Variants in MINK1 observed in about 807,000 individuals in gnomAD.
MINK1 encodes misshapen-like kinase 1.
A neutral mutation model predicts 178.4 loss-of-function variants in MINK1; 46 were observed. That is an observed-to-expected ratio of 0.26 (90% confidence interval 0.20 to 0.33). The LOEUF is 0.33. Among genes scored for constraint, MINK1 ranks in the 10% least tolerant of loss-of-function variants. The pLI is 1.00. For missense variants in MINK1, 1,366 were observed against 1,814.9 expected, an observed-to-expected ratio of 0.75 and a Z score of 4.49; for synonymous variants, 797 against 709.7, an observed-to-expected ratio of 1.12 and a Z score of -1.96.
At position 4,892,124 on chromosome 17, in the gene MINK1, G is replaced by A. The variant is rs114740934; in HGVS notation, c.2002-25G>A. The A allele has an allele frequency of 2.5e-4, 389 of 1,562,998 alleles. No homozygotes were observed. In the African/African-American group the frequency reaches 3.1e-3, roughly 12 times the overall value. ...GAAGTGCCTGTCGCAGCGCCAGCTC[G>A]CAGCACGTGGACTTCTCTCCACAGG... is the stretch of plus-strand genomic sequence containing the variant. On this transcript the variant is annotated intron_variant, in intron 16 of 31. Transcript: ENST00000355280.
In MINK1 at chr17:4,887,626, C is replaced by A. The variant is rs1364848184; in HGVS notation, c.1066C>A (p.Leu356Ile). Reference sequence around the variant, plus strand: ...AGAGTCGACTCTACGCCGGGAGTTTCTCCGGCTCCAGCAGGAAAATAAGAG... The same window carrying A: ...AGAGTCGACTCTACGCCGGGAGTTTATCCGGCTCCAGCAGGAAAATAAGAG... ...PGESTLRREF[L>I]RLQQENKSNS... Residue 356 changes from leucine to isoleucine, a missense_variant, in exon 12 of 32, where the codon CTC becomes ATC. Coordinates refer to ENST00000355280, the MANE Select transcript of MINK1 (RefSeq NM_153827.5). The surrounding 1 kb of genome is among the most constrained non-coding windows in gnomAD (Gnocchi z 7.6). 6.4e-7 allele frequency: 1 copy of A among 1,567,350 alleles called. No individual in the cohort carries two copies. The highest frequency in any genetic ancestry group is 2.0e-5 in the Admixed American group (1 of 51,196).
In MINK1 at chr17:4,833,646, C is replaced by G; in HGVS notation, c.57+6C>G. The G allele has an allele frequency of 6.7e-7, 1 of 1,491,392 alleles. No individual in the cohort carries two copies. Among genetic ancestry groups the G allele is most frequent in the Non-Finnish European group, 8.9e-7 (1 of 1,126,884 alleles). 92.4% of individuals were successfully genotyped at this position (1,491,392 alleles called of 1,614,324 possible). A position where few individuals can be genotyped will look rare whatever the true frequency, so the allele number is the denominator to read the frequency against. On this transcript the variant is annotated splice_donor_region_variant and intron_variant, in intron 1 of 31. Transcript: ENST00000355280. The surrounding 1 kb of genome is among the most constrained non-coding windows in gnomAD (Gnocchi z 4.8). ...TCGACCTGTCCGCCCTGCGGGTGAG[C>G]GCGCCGTCCCCCAGCCTCGCCCTGG...
Position 4,889,235 on chromosome 17 carries a change from C to T in MINK1, c.1231-412C>T, listed in dbSNP as rs1026415685. Among the ~76,000 whole-genome samples the T allele has an allele frequency of 1.7e-4, 26 of 152,312 alleles. No homozygotes were observed. In the East Asian group the frequency reaches 1.7e-3, roughly 10 times the overall value. On this transcript the variant is annotated intron_variant, in intron 12 of 31. Transcript: ENST00000355280. Reference sequence around the variant, plus strand: ...GTCCCTCTTTTCTGTGCTTTCTGTGCACGGGCACCTGGTGCCCTCTTGTGG... The same window carrying T: ...GTCCCTCTTTTCTGTGCTTTCTGTGTACGGGCACCTGGTGCCCTCTTGTGG...
At chr17:4,869,417 G>A (rs1023082565) in intron 1 of MINK1, among the ~76,000 whole-genome samples, 2 of 151,772 alleles carry the variant, frequency 1.3e-5, no homozygotes, top group Non-Finnish European at 2.9e-5. Flanking sequence ...GGGACTACAG[G>A]TGCATACCAC....
Position 4,833,733 on chromosome 17 carries a change from C to T in MINK1, c.57+93C>T. 2.7e-6 allele frequency: 3 copies of T among 1,092,574 alleles called. No individual in the cohort carries two copies. The highest frequency in any genetic ancestry group is 3.7e-6 in the Non-Finnish European group (3 of 809,250). 67.7% of individuals were successfully genotyped at this position (1,092,574 alleles called of 1,614,324 possible). On this transcript the variant is annotated intron_variant, in intron 1 of 31. Coordinates refer to ENST00000355280, the MANE Select transcript of MINK1 (RefSeq NM_153827.5). The surrounding 1 kb of genome is among the most constrained non-coding windows in gnomAD (Gnocchi z 4.8). Reference sequence around the variant, plus strand: ...TGCACGCCTCACGTGCTCCCGGGCGCCCCCTCCACCAGCTTGGGTCCCCTT... The same window carrying T: ...TGCACGCCTCACGTGCTCCCGGGCGTCCCCTCCACCAGCTTGGGTCCCCTT...
At chr17:4,880,955 G>A (rs987312110) in intron 2 of MINK1, 29 bp from the exon 3 acceptor site, 1 of 1,466,722 alleles carries the variant, frequency 6.8e-7, no homozygotes. Context: ...CACCCTCTGA[G>A]CATAGACTCA....
chr17:4,869,242 ATTATTATTTATTTATTTATT>A (rs1481635100), intron 1 of MINK1, among the ~76,000 whole-genome samples: 1 of 144,668 alleles, frequency 6.9e-6, no homozygotes, highest in Non-Finnish European at 1.5e-5. Context: ...TAATTTTTAA[ATTATTATTTATTTATTTATT>A]TATTTATTTA....
chr17:4,856,897 A>AG (rs1913243457), intron 1 of MINK1: 1 of 163,516 alleles, frequency 6.1e-6, no homozygotes, highest in African/African-American at 2.4e-5. Context: ...TTCCGGAATG[A>AG]GGAGGGGTGG....
In MINK1 at chr17:4,833,702, G is replaced by T; in HGVS notation, c.57+62G>T. On this transcript the variant is annotated intron_variant, in intron 1 of 31. Transcript: ENST00000355280. This position sits in a 1 kb window ranked among gnomAD's most constrained non-coding sequence, Gnocchi z 4.8. Reference sequence around the variant, plus strand: ...GTCCCCGCCGCAGGGGAGGGAGCGGGGTGGCTGCACGCCTCACGTGCTCCC... The same window carrying T: ...GTCCCCGCCGCAGGGGAGGGAGCGGTGTGGCTGCACGCCTCACGTGCTCCC... 7.3e-7 allele frequency: 1 copy of T among 1,370,706 alleles called. No individual in the cohort carries two copies. The highest frequency in any genetic ancestry group is 9.6e-7 in the Non-Finnish European group (1 of 1,040,342). The allele number at this position is 1,370,706 out of a possible 1,614,324, so 84.9% of individuals were successfully genotyped here.
chr17:4,864,474 A>C (rs1325036551), intron 1 of MINK1, among the ~76,000 whole-genome samples: 1 of 151,608 alleles, frequency 6.6e-6, no homozygotes, highest in African/African-American at 2.4e-5. Flanking sequence ...CTGTAATCCC[A>C]GTACTTTGGG....
chr17:4,882,280 A>C (rs1326378921), intron 4 of MINK1, among the ~76,000 whole-genome samples: 3 of 152,238 alleles, frequency 2.0e-5, no homozygotes, highest in Non-Finnish European at 4.4e-5. Flanking sequence ...ATATGTGTCC[A>C]CCCAACCTTT....
chr17:4,892,366 C>T lies in MINK1; in HGVS notation c.2088-36C>T, dbSNP rs532502424. On this transcript the variant is annotated intron_variant, in intron 17 of 31. Transcript: ENST00000355280. The stretch of plus-strand genomic sequence containing the variant: ...CAGCCCCATCACCTCAGCGCCCCCC[C>T]GCCGCCCCCTCGGCACCCCTGTGCT... 32 of 1,477,746 alleles carry T rather than the reference C, an allele frequency of 2.2e-5. 1 individual carries two copies. The highest frequency in any genetic ancestry group is 1.2e-4 in the South Asian group (10 of 81,732). The allele number at this position is 1,477,746 out of a possible 1,614,324, so 91.5% of individuals were successfully genotyped here. A position where few individuals can be genotyped will look rare whatever the true frequency, so the allele number is the denominator to read the frequency against.
Position 4,836,338 on chromosome 17 carries a change from C to T in MINK1, c.57+2698C>T, listed in dbSNP as rs1315817837. 6.6e-6 allele frequency among the ~76,000 whole-genome samples: 1 copy of T among 152,138 alleles called. No individual in the cohort carries two copies. The highest frequency in any genetic ancestry group is 6.5e-5 in the Admixed American group (1 of 15,270). ...TCTGATATTAGGGAAGATTGAATTG[C>T]GTTAATCTCTTAGCCATGTGTGGGG... is the stretch of plus-strand genomic sequence containing the variant. On this transcript the variant is annotated intron_variant, in intron 1 of 31. Coordinates refer to ENST00000355280, the MANE Select transcript of MINK1 (RefSeq NM_153827.5). This position sits in a 1 kb window ranked among gnomAD's most constrained non-coding sequence, Gnocchi z 4.3.
rs767923698 is a variant in MINK1, at chr17:4,886,403, C to T, written c.774-48C>T. 72 of 1,570,002 alleles carry T rather than the reference C, an allele frequency of 4.6e-5. No homozygotes were observed. Among genetic ancestry groups the T allele is most frequent in the Non-Finnish European group, 5.5e-5 (64 of 1,154,336 alleles). ...TGATCCACCCTCTTCCTCCTGCACCCATCCCTTCTGAGGGGACCCTCCCAG... is the reference window on the plus strand; with the variant it reads ...TGATCCACCCTCTTCCTCCTGCACCTATCCCTTCTGAGGGGACCCTCCCAG... On this transcript the variant is annotated intron_variant, in intron 9 of 31. Transcript: ENST00000355280. This position sits in a 1 kb window ranked among gnomAD's most constrained non-coding sequence, Gnocchi z 6.1.
rs1969717491 is a variant in MINK1, at chr17:4,897,823, G to A, written c.*536G>A. On this transcript the variant is annotated 3_prime_UTR_variant, in exon 32 of 32. Coordinates refer to ENST00000355280, the MANE Select transcript of MINK1 (RefSeq NM_153827.5). ...CTTCCCCCAAACTCCAGGGAATGGAGGGGGGACCCCGCCAGCCAAAACATT... is the reference window on the plus strand; with the variant it reads ...CTTCCCCCAAACTCCAGGGAATGGAAGGGGGACCCCGCCAGCCAAAACATT... 1 of 152,542 alleles carries A rather than the reference G, an allele frequency of 6.6e-6. No homozygotes were observed. Among genetic ancestry groups the A allele is most frequent in the African/African-American group, 2.4e-5 (1 of 41,384 alleles). 9.4% of individuals were successfully genotyped at this position (152,542 alleles called of 1,614,324 possible).
At position 4,897,279 on chromosome 17, in the gene MINK1, A is replaced by C; in HGVS notation, c.3991A>C (p.Asn1331His). ...FMTLNRNCIM[N>H]W ...GACTCTGAACCGTAACTGCATCATGAACTGGTGACGGGGCCCTGGGCTGGG... is the reference window on the plus strand; with the variant it reads ...GACTCTGAACCGTAACTGCATCATGCACTGGTGACGGGGCCCTGGGCTGGG... Residue 1331 changes from asparagine (N) to histidine (H), a missense_variant, in exon 32 of 32, where the codon AAC becomes CAC. Transcript: ENST00000355280. 6.2e-7 allele frequency: 1 copy of C among 1,613,608 alleles called. No individual in the cohort carries two copies. Among genetic ancestry groups the C allele is most frequent in the African/African-American group, 1.3e-5 (1 of 75,012 alleles).
rs1284052093 is a variant in MINK1 at position 4,897,273 on chromosome 17, A to G, written c.3985A>G (p.Ile1329Val). ...CTTCATGACTCTGAACCGTAACTGC[A>G]TCATGAACTGGTGACGGGGCCCTGG... ...VYFMTLNRNC[I>V]MNW The change falls in exon 32 of 32, where the codon ATC becomes GTC. Residue 1329 changes from isoleucine to valine, a missense_variant. Transcript: ENST00000355280. The G allele has an allele frequency of 4.3e-6, 7 of 1,613,656 alleles. No individual in the cohort carries two copies. The highest frequency in any genetic ancestry group is 1.7e-5 in the Admixed American group (1 of 59,980).
intron 19 of MINK1, 55 bp from the exon 20 acceptor site, chr17:4,892,924 C>A: frequency 6.8e-7 from 1 of 1,473,806 alleles, no homozygotes; most frequent in South Asian, 1.2e-5. Flanking sequence ...AGGGTGTGGG[C>A]TTGAGGCCAT....
chr17:4,859,079 A>G (rs1913686654), intron 1 of MINK1: 10 of 962,778 alleles, frequency 1.0e-5, no homozygotes, highest in Non-Finnish European at 1.2e-5. Context: ...CACTGGCTCT[A>G]GCAGCAGGAC....
Sources: allele counts gnomAD v4.1 joint callset (sites outside exome capture counted in the v4.1 genomes callset), GRCh38; gene constraint gnomAD v4.1.1; non-coding constraint Gnocchi (gnomAD v3.1); transcripts MANE v1.5; gene names NCBI Gene and HGNC (gene_info 2026-07-23, HGNC 2026-07-21).